MGST1: variants seen among roughly 807,000 people sequenced by gnomAD.
The protein encoded by MGST1 is microsomal glutathione S-transferase 1.
A neutral mutation model predicts 8.9 loss-of-function variants in MGST1; 5 were observed. The ratio of observed to expected loss-of-function variants is 0.56; its 90% CI spans 0.29 to 1.19. MGST1 has a LOEUF of 1.19. Ranked by LOEUF, MGST1 falls within the 50% of genes most tolerant of loss-of-function variation. MGST1 has a pLI of 0.08. For synonymous variants in MGST1, 54 were observed against 67.8 expected, an observed-to-expected ratio of 0.80 and a Z score of 1.00; for missense variants, 182 against 187.4, an observed-to-expected ratio of 0.97 and a Z score of 0.17.
chr12:16,553,339 T>C lies in MGST1; in HGVS notation n.483-36189T>C, dbSNP rs555826802. Among the ~76,000 whole-genome samples the C allele has an allele frequency of 2.0e-5, 3 of 152,292 alleles. No homozygotes were observed. In the South Asian group the frequency reaches 6.2e-4, roughly 32 times the overall value. On this transcript the variant is annotated intron_variant and non_coding_transcript_variant, in intron 4 of 4. Transcript: ENST00000538857. ...CCTGAGGGCAGTAAAGCATGCAGGC[T>C]ACAAGAATAATGTGAAGATTAAATG...
chr12:16,438,627 T>C (rs1252078820), exon 2 of MGST1: 1 of 151,932 alleles, frequency 6.6e-6, no homozygotes, highest in African/African-American at 2.4e-5. Flanking sequence ...TGTGACATTC[T>C]AATAGATAGA....
chr12:16,374,460 C>T (rs1235531983), intron 3 of MGST1, among the ~76,000 whole-genome samples: 1 of 151,658 alleles, frequency 6.6e-6, no homozygotes, highest in African/African-American at 2.4e-5. Context: ...TTAAACCCAC[C>T]CAAATCCAAA....
intron 3 of MGST1, among the ~76,000 whole-genome samples, chr12:16,374,407 A>G (rs1940347493): frequency 6.6e-6 from 1 of 152,160 alleles, no homozygotes; most frequent in Non-Finnish European, 1.5e-5. Context: ...TTATTCCACC[A>G]GGAGCATCAC....
At position 16,513,661 on chromosome 12, in the gene MGST1, G is replaced by T. The variant is rs1474033456; in HGVS notation, n.483-75867G>T. 7.9e-6 allele frequency: 4 copies of T among 509,084 alleles called. No individual in the cohort carries two copies. Among genetic ancestry groups the T allele is most frequent in the African/African-American group, 3.9e-5 (2 of 51,374 alleles). 31.5% of individuals were successfully genotyped at this position (509,084 alleles called of 1,614,324 possible). On this transcript the variant is annotated intron_variant and non_coding_transcript_variant, in intron 4 of 4. Transcript: ENST00000538857. This position sits in a 1 kb window ranked among gnomAD's most constrained non-coding sequence, Gnocchi z 4.2. ...CCAGATTGCAGCCAAAAATTTGGAC[G>T]AGGACTACCTCTCCATTGGGCGGCT...
At chr12:16,383,479 G>C (rs1376535459) in exon 1 of MGST1, 1 of 148,242 alleles carries the variant, frequency 6.7e-6, no homozygotes, top group Non-Finnish European at 1.5e-5. Flanking sequence ...TTTTATTTTT[G>C]AGACGGAGTT....
chr12:16,354,115 C>A, intron 1 of MGST1, 116 bp from the exon 2 acceptor site: 1 of 771,942 alleles, frequency 1.3e-6, no homozygotes, highest in Non-Finnish European at 2.0e-6. Context: ...GCAAATAGTC[C>A]AAGATATTTT....
chr12:16,485,758 A>C (rs1202663518), intron 4 of MGST1, among the ~76,000 whole-genome samples: 1 of 152,234 alleles, frequency 6.6e-6, no homozygotes, highest in African/African-American at 2.4e-5. Context: ...GAACAAAGCT[A>C]CATGTTTTGA....
At chr12:16,490,284 T>G (rs2216234) in intron 4 of MGST1, among the ~76,000 whole-genome samples, 2 of 151,758 alleles carry the variant, frequency 1.3e-5, no homozygotes. Context: ...CCAAACAAAA[T>G]GTAAGATCCA....
intron 4 of MGST1, among the ~76,000 whole-genome samples, chr12:16,541,506 C>A (rs1450965741): frequency 6.6e-6 from 1 of 152,100 alleles, no homozygotes; most frequent in Non-Finnish European, 1.5e-5. Flanking sequence ...TGTTTTATGA[C>A]AATCTAATAA....
intron 1 of MGST1, among the ~76,000 whole-genome samples, chr12:16,418,735 C>T (rs1392592634): frequency 6.6e-6 from 1 of 152,044 alleles, no homozygotes; most frequent in Non-Finnish European, 1.5e-5. Flanking sequence ...TTGGTTGTCT[C>T]AAGAGGGATA....
At chr12:16,532,947 A>G (rs1354033036) in intron 4 of MGST1, among the ~76,000 whole-genome samples, 2 of 152,160 alleles carry the variant, frequency 1.3e-5, no homozygotes, top group Non-Finnish European at 2.9e-5. Flanking sequence ...GAGATTATTA[A>G]CAAAGCTAAT....
At chr12:16,367,405 C>CA (rs1374173463), downstream of MGST1, 7 of 152,148 alleles carry the variant, frequency 4.6e-5, no homozygotes. Flanking sequence ...ATGAGAATGG[C>CA]AGGAAATGCA....
intron 1 of MGST1, among the ~76,000 whole-genome samples, chr12:16,397,782 T>G (rs1356572140): frequency 5.3e-5 from 8 of 150,754 alleles, no homozygotes; most frequent in African/African-American, 1.9e-4. Flanking sequence ...TAGTATCTTT[T>G]TTTTTTTTGG....
intron 1 of MGST1, among the ~76,000 whole-genome samples, chr12:16,387,646 C>T (rs1375567639): frequency 6.6e-6 from 1 of 151,960 alleles, no homozygotes; most frequent in Non-Finnish European, 1.5e-5. Context: ...CCTGCCTCAG[C>T]CTCCCGAGTA....
chr12:16,526,305 G>A (rs910767018), intron 4 of MGST1, among the ~76,000 whole-genome samples: 11 of 151,878 alleles, frequency 7.2e-5, no homozygotes, highest in African/African-American at 2.4e-4. Flanking sequence ...TAAGTCCCAG[G>A]GAGCTAAGTG....
rs887939376 is a variant in MGST1 at position 16,497,900 on chromosome 12, T to C, written n.483-91628T>C. On this transcript the variant is annotated intron_variant and non_coding_transcript_variant, in intron 4 of 4. Coordinates refer to the MGST1 transcript ENST00000538857. This position sits in a 1 kb window ranked among gnomAD's most constrained non-coding sequence, Gnocchi z 4.4. ...GCTCAGGAATCTGCATTTCTACCAGTTCTAGTCTAGATGATAGTCTTTGTA... is the reference window on the plus strand; with the variant it reads ...GCTCAGGAATCTGCATTTCTACCAGCTCTAGTCTAGATGATAGTCTTTGTA... Among the ~76,000 whole-genome samples, 3 of 152,188 alleles carry C rather than the reference T, an allele frequency of 2.0e-5. No individual in the cohort carries two copies. Among genetic ancestry groups the C allele is most frequent in the Admixed American group, 6.5e-5 (1 of 15,272 alleles).
chr12:16,399,212 G>T, intron 1 of MGST1: 1 of 1,403,858 alleles, frequency 7.1e-7, no homozygotes, highest in Non-Finnish European at 9.9e-7. Context: ...CAGTTTCTAT[G>T]TCATGTAAAA....
chr12:16,573,427 G>A (rs907825279), intron 4 of MGST1: 1 of 152,144 alleles, frequency 6.6e-6, no homozygotes, highest in African/African-American at 2.4e-5. Context: ...ATTTGAACGC[G>A]TGTGTGCGTG....
intron 1 of MGST1, among the ~76,000 whole-genome samples, chr12:16,435,802 A>T (rs974508598): frequency 6.6e-6 from 1 of 151,960 alleles, no homozygotes; most frequent in African/African-American, 2.4e-5. Flanking sequence ...GTTGTTTATT[A>T]TCTTATAATA....
Sources: gnomAD v4.1 joint callset for allele counts (sites outside exome capture counted in the v4.1 genomes callset) on GRCh38, gnomAD v4.1.1 for gene constraint, Gnocchi (gnomAD v3.1) non-coding constraint, MANE v1.5 for transcripts, NCBI Gene and HGNC (gene_info 2026-07-23, HGNC 2026-07-21) for gene names.